The following AGBL1 variants were observed in gnomAD, a reference collection of about 807,000 sequenced individuals.
AGBL1 encodes the protein AGBL carboxypeptidase 1.
In AGBL1, 130 loss-of-function variants were observed where a neutral mutation model predicts 118.9. The observed-to-expected ratio is 1.09, with a 90% confidence interval of 0.95 to 1.26. The LOEUF (loss-of-function observed/expected upper bound fraction) is 1.26, where lower values mean the gene tolerates loss of function less well. Ranked by LOEUF, AGBL1 falls within the 50% of genes most tolerant of loss-of-function variation. AGBL1 has a pLI of 0.00. For missense variants in AGBL1, 1,584 were observed against 1,298.1 expected, an observed-to-expected ratio of 1.22 and a Z score of -3.38; for synonymous variants, 555 against 478.9, an observed-to-expected ratio of 1.16 and a Z score of -2.08.
chr15:86,840,306 G>A (rs2141435163), intron 22 of AGBL1, among the ~76,000 whole-genome samples: 1 of 152,336 alleles, frequency 6.6e-6, no homozygotes, highest in East Asian at 1.9e-4. Flanking sequence ...TTCAGTGGTA[G>A]AGGTAACATT....
intron 21 of AGBL1, among the ~76,000 whole-genome samples, chr15:86,558,589 T>C (rs533257662): frequency 7.9e-5 from 12 of 152,330 alleles, no homozygotes; most frequent in African/African-American, 2.9e-4. Context: ...TGTTTCCTGC[T>C]GTAAACAACT....
chr15:86,446,568 T>C (rs2082123657), intron 18 of AGBL1, among the ~76,000 whole-genome samples: 1 of 152,248 alleles, frequency 6.6e-6, no homozygotes, highest in Admixed American at 6.5e-5. Context: ...TTATTTTATT[T>C]CATCAGAAGA....
chr15:86,850,929 A>G (rs2079399609), intron 22 of AGBL1, among the ~76,000 whole-genome samples: 1 of 152,186 alleles, frequency 6.6e-6, no homozygotes, highest in Non-Finnish European at 1.5e-5. Flanking sequence ...TATTTTATTA[A>G]TTATTGCCAT....
intron 21 of AGBL1, among the ~76,000 whole-genome samples, chr15:86,637,951 A>G (rs1369095956): frequency 1.3e-5 from 2 of 152,184 alleles, no homozygotes; most frequent in Non-Finnish European, 2.9e-5. Flanking sequence ...TAGAAAATCT[A>G]GTTTCTCTAT....
chr15:86,214,000 G>A (rs1403745781), intron 5 of AGBL1, among the ~76,000 whole-genome samples: 1 of 152,102 alleles, frequency 6.6e-6, no homozygotes, highest in Non-Finnish European at 1.5e-5. Context: ...TCTCATGTAA[G>A]TGGAATGAAT....
chr15:86,997,108 T>A (rs2081387345), intron 24 of AGBL1, among the ~76,000 whole-genome samples: 1 of 152,186 alleles, frequency 6.6e-6, no homozygotes, highest in Non-Finnish European at 1.5e-5. Context: ...CAAGTATGCA[T>A]CTATGAATAA....
At chr15:86,381,636 G>T (rs910575584) in intron 17 of AGBL1, among the ~76,000 whole-genome samples, 5 of 152,158 alleles carry the variant, frequency 3.3e-5, no homozygotes, top group Non-Finnish European at 4.4e-5. Flanking sequence ...AGGCACAGGA[G>T]AACTTAATTC....
At chr15:87,028,817 C>T in intron 24 of AGBL1, 1 of 1,605,182 alleles carries the variant, frequency 6.2e-7, no homozygotes, top group Non-Finnish European at 8.5e-7. Context: ...TTTCTTATTC[C>T]TTCTCAGAGT....
chr15:86,426,313 TTGTTACCAAAGAAAGG>T (rs2081865786), intron 18 of AGBL1, among the ~76,000 whole-genome samples: 1 of 152,174 alleles, frequency 6.6e-6, no homozygotes, highest in Non-Finnish European at 1.5e-5. Context: ...TCTAGAACCT[TTGTTACCAAAGAAAGG>T]TGTTCTGGCA....
intron 22 of AGBL1, among the ~76,000 whole-genome samples, chr15:86,861,759 G>A (rs1187032555): frequency 6.6e-6 from 1 of 152,198 alleles, no homozygotes; most frequent in Non-Finnish European, 1.5e-5. Context: ...CCATACTCCT[G>A]AGAAGAGACT....
chr15:86,141,008 T>A (rs1011323229), intron 1 of AGBL1, among the ~76,000 whole-genome samples: 3 of 152,174 alleles, frequency 2.0e-5, no homozygotes, highest in African/African-American at 7.2e-5. Context: ...ATGAGTCTTA[T>A]GGAAGATTAA....
chr15:86,628,578 G>T (rs2469194), intron 21 of AGBL1, among the ~76,000 whole-genome samples: 6 of 151,490 alleles, frequency 4.0e-5, no homozygotes, highest in Admixed American at 1.3e-4. Context: ...GGGTGGATCA[G>T]GAGGCAAGGA....
chr15:86,466,694 T>G (rs1212013296), intron 18 of AGBL1, among the ~76,000 whole-genome samples: 4 of 152,228 alleles, frequency 2.6e-5, no homozygotes, highest in Admixed American at 6.5e-5. Context: ...TCGTCCTTTT[T>G]GTTGATGTTG....
Position 86,358,101 on chromosome 15 carries a change from G to T in AGBL1, c.2375-39265G>T, listed in dbSNP as rs1157558236. Among the ~76,000 whole-genome samples the T allele has an allele frequency of 2.0e-5, 3 of 151,942 alleles. No homozygotes were observed. In the East Asian group the frequency reaches 5.8e-4, roughly 29 times the overall value. ...TTAATAACTCAGTATTATTAACTAT[G>T]GTCAGCATGCTGTACAGTGGGTATT... On this transcript the variant is annotated intron_variant, in intron 17 of 22. Transcript: ENST00000614907.
downstream of AGBL1, among the ~76,000 whole-genome samples, chr15:86,918,672 A>G (rs1221364407): frequency 6.6e-6 from 1 of 152,236 alleles, no homozygotes; most frequent in African/African-American, 2.4e-5. Context: ...ATTTCCAGAC[A>G]AAAATGCTGT....
intron 22 of AGBL1, among the ~76,000 whole-genome samples, chr15:86,775,204 G>C (rs1441533809): frequency 9.2e-5 from 14 of 152,166 alleles, no homozygotes; most frequent in African/African-American, 3.4e-4. Flanking sequence ...GTGACTTAAA[G>C]GCCTGTGGCG....
At chr15:86,575,344 C>CA (rs1171185310) in intron 21 of AGBL1, among the ~76,000 whole-genome samples, 9 of 150,204 alleles carry the variant, frequency 6.0e-5, no homozygotes, top group Non-Finnish European at 1.5e-5. Context: ...ATCAAAAAAT[C>CA]AAAAAATTAG....
At chr15:86,448,454 G>A (rs2082154044) in intron 18 of AGBL1, among the ~76,000 whole-genome samples, 1 of 152,188 alleles carries the variant, frequency 6.6e-6, no homozygotes, top group Non-Finnish European at 1.5e-5. Context: ...CTACAAAGAA[G>A]AGGCTACATG....
intron 5 of AGBL1, among the ~76,000 whole-genome samples, chr15:86,159,654 G>A (rs1323997458): frequency 6.6e-6 from 1 of 152,038 alleles, no homozygotes; most frequent in Non-Finnish European, 1.5e-5. Context: ...GAAGGCTTTA[G>A]AGATATTCGG....
Sources: gnomAD v4.1 joint callset for allele counts (sites outside exome capture counted in the v4.1 genomes callset) on GRCh38, gnomAD v4.1.1 for gene constraint, MANE v1.5 for transcripts, NCBI Gene and HGNC (gene_info 2026-07-23, HGNC 2026-07-21) for gene names.